Variants in TRHDE observed in about 807,000 individuals in gnomAD.
The protein encoded by TRHDE is thyrotropin-releasing hormone-degrading ectoenzyme.
Under a neutral mutation model 125.7 loss-of-function variants are expected in TRHDE, and 72 were observed. The ratio of observed to expected loss-of-function variants is 0.57; its 90% CI spans 0.47 to 0.70. TRHDE has a LOEUF of 0.70. TRHDE is among the 30% of genes least tolerant of loss of function. The probability of loss-of-function intolerance (pLI) is 0.00; values close to 1 mark genes in which losing one functional copy is unlikely to be tolerated. For missense variants in TRHDE, 1,110 were observed against 1,327.1 expected, an observed-to-expected ratio of 0.84 and a Z score of 2.54; for synonymous variants, 509 against 509.1, an observed-to-expected ratio of 1.00 and a Z score of 0.00.
At chr12:72,602,025 T>C (rs1592565495) in intron 12 of TRHDE, among the ~76,000 whole-genome samples, 1 of 152,268 alleles carries the variant, frequency 6.6e-6, no homozygotes, top group Non-Finnish European at 1.5e-5. Flanking sequence ...GTTGAATTCT[T>C]TATAGATACT....
At chr12:72,238,226 C>T (rs1306254744) in intron 2 of TRHDE, among the ~76,000 whole-genome samples, 2 of 132,400 alleles carry the variant, frequency 1.5e-5, no homozygotes, top group Non-Finnish European at 3.1e-5. Flanking sequence ...GTGAGTGGTA[C>T]TGGGTGTGGA....
chr12:72,509,670 T>G (rs1878503556), intron 6 of TRHDE, among the ~76,000 whole-genome samples: 1 of 152,206 alleles, frequency 6.6e-6, no homozygotes, highest in Non-Finnish European at 1.5e-5. Context: ...TTTCTTAATC[T>G]GATCCTATTA....
intron 2 of TRHDE, among the ~76,000 whole-genome samples, chr12:72,296,921 A>AGTCT (rs1565688191): frequency 1.3e-5 from 2 of 152,128 alleles, no homozygotes; most frequent in East Asian, 3.9e-4. Context: ...ATTTATGCAG[A>AGTCT]GTCTGTTCCA....
intron 2 of TRHDE, among the ~76,000 whole-genome samples, chr12:72,204,150 A>T (rs1397950341): frequency 6.6e-6 from 1 of 151,950 alleles, no homozygotes; most frequent in Non-Finnish European, 1.5e-5. Context: ...TGAACCATAC[A>T]CTCTTGAATT....
At position 72,142,586 on chromosome 12, in the gene TRHDE, C is replaced by A. The variant is rs1459131280; in HGVS notation, n.279+36834C>A. Among the ~76,000 whole-genome samples the A allele has an allele frequency of 2.6e-5, 4 of 152,180 alleles. No homozygotes were observed. In the East Asian group the frequency reaches 7.8e-4, roughly 30 times the overall value. On this transcript the variant is annotated intron_variant and non_coding_transcript_variant, in intron 2 of 4. Coordinates refer to the TRHDE transcript ENST00000548156. ...AGGTCTCACCCTCAAGCCTGGGTACCCGTGGCACTAAATGAGAACAGACAT... is the reference window on the plus strand; with the variant it reads ...AGGTCTCACCCTCAAGCCTGGGTACACGTGGCACTAAATGAGAACAGACAT...
chr12:72,583,449 T>C (rs938186008), intron 12 of TRHDE, among the ~76,000 whole-genome samples: 1 of 152,138 alleles, frequency 6.6e-6, no homozygotes, highest in Non-Finnish European at 1.5e-5. Flanking sequence ...TCATCATCAG[T>C]GAAGGCTCAG....
chr12:72,518,788 C>T (rs1202656192), intron 6 of TRHDE, among the ~76,000 whole-genome samples: 4 of 152,084 alleles, frequency 2.6e-5, no homozygotes, highest in African/African-American at 7.2e-5. Context: ...TGGTACTGGT[C>T]GTTCCTTTCC....
At chr12:72,483,025 G>T (rs1877243535) in intron 5 of TRHDE, among the ~76,000 whole-genome samples, 2 of 151,790 alleles carry the variant, frequency 1.3e-5, no homozygotes, top group African/African-American at 4.8e-5. Context: ...TAAGTATTTT[G>T]CTGGCATATT....
chr12:72,405,969 C>G (rs1047296024), intron 3 of TRHDE, among the ~76,000 whole-genome samples: 5 of 152,160 alleles, frequency 3.3e-5, no homozygotes, highest in Non-Finnish European at 7.4e-5. Flanking sequence ...CCTCAATATT[C>G]AAACATTTCT....
intron 2 of TRHDE, among the ~76,000 whole-genome samples, chr12:72,227,774 A>C (rs768286876): frequency 7.9e-5 from 12 of 152,186 alleles, no homozygotes; most frequent in Non-Finnish European, 1.8e-4. Context: ...GCTTTGGGTA[A>C]ATACAACCAT....
intron 2 of TRHDE, among the ~76,000 whole-genome samples, chr12:72,324,093 C>A (rs937204482): frequency 6.6e-6 from 1 of 151,992 alleles, no homozygotes; most frequent in Non-Finnish European, 1.5e-5. Context: ...TGCATCAGCC[C>A]GTTGATTCAC....
chr12:72,581,171 C>G (rs1402793286), intron 12 of TRHDE, among the ~76,000 whole-genome samples: 3 of 152,018 alleles, frequency 2.0e-5, no homozygotes, highest in Non-Finnish European at 4.4e-5. Context: ...GAATTGGCAG[C>G]CAGATAAGGT....
At chr12:72,355,653 T>G (rs12306622) in intron 2 of TRHDE, among the ~76,000 whole-genome samples, 8,779 of 151,696 alleles carry the variant, frequency 0.058, 477 homozygotes, top group African/African-American at 0.13. Flanking sequence ...TGCAAACTAT[T>G]CATCTGACAA....
intron 18 of TRHDE, 142 bp from the exon 19 acceptor site, chr12:72,662,910 A>G (rs1874970558): frequency 3.9e-6 from 3 of 773,716 alleles, no homozygotes; most frequent in Non-Finnish European, 3.9e-6. Context: ...CACAGTACTA[A>G]ATATATCTTC....
At chr12:72,356,599 A>G (rs940334753) in intron 2 of TRHDE, among the ~76,000 whole-genome samples, 5 of 151,532 alleles carry the variant, frequency 3.3e-5, no homozygotes, top group African/African-American at 4.8e-5. Flanking sequence ...AGGGGAAGGA[A>G]TGGATGTGAG....
At chr12:72,626,909 G>A (rs1873281606) in intron 15 of TRHDE, among the ~76,000 whole-genome samples, 1 of 151,744 alleles carries the variant, frequency 6.6e-6, no homozygotes, top group South Asian at 2.1e-4. Flanking sequence ...AAGTTGGTGT[G>A]GTCCTATTTC....
intron 2 of TRHDE, among the ~76,000 whole-genome samples, chr12:72,144,676 G>A (rs577059717): frequency 1.4e-4 from 21 of 152,256 alleles, no homozygotes; most frequent in African/African-American, 4.8e-4. Context: ...CTTGGAGAGA[G>A]CTATAGAGCC....
At chr12:72,173,926 CTAAA>C (rs1201764613) in intron 2 of TRHDE, among the ~76,000 whole-genome samples, 2 of 152,076 alleles carry the variant, frequency 1.3e-5, no homozygotes, top group East Asian at 3.9e-4. Flanking sequence ...TGCAAAATGG[CTAAA>C]TATTCTTCCC....
At chr12:72,635,849 T>C (rs1873720317) in intron 15 of TRHDE, among the ~76,000 whole-genome samples, 2 of 152,180 alleles carry the variant, frequency 1.3e-5, no homozygotes, top group South Asian at 2.1e-4. Flanking sequence ...TCTGTTCTGT[T>C]CCATTGATCT....
Sources: gnomAD v4.1 joint callset for allele counts (sites outside exome capture counted in the v4.1 genomes callset) on GRCh38, gnomAD v4.1.1 for gene constraint, MANE v1.5 for transcripts, NCBI Gene and HGNC (gene_info 2026-07-23, HGNC 2026-07-21) for gene names.